The following PDE4D variants were observed in gnomAD, a reference collection of about 807,000 sequenced individuals.
The protein encoded by PDE4D is phosphodiesterase 4D.
In PDE4D, 24 loss-of-function variants were observed where a neutral mutation model predicts 87.4. That is an observed-to-expected ratio of 0.27 (90% CI 0.20 to 0.39). The LOEUF (loss-of-function observed/expected upper bound fraction) is 0.39, where lower values mean the gene tolerates loss of function less well. PDE4D is among the 10% of genes least tolerant of loss of function. PDE4D has a pLI of 1.00. For synonymous variants in PDE4D, 384 were observed against 383.2 expected (o/e 1.00, Z -0.02); for missense variants, 714 against 1,041.0 (o/e 0.69, Z 4.32).
At chr5:59,977,463 G>A (rs892902959) in intron 3 of PDE4D, among the ~76,000 whole-genome samples, 2 of 152,140 alleles carry the variant, frequency 1.3e-5, no homozygotes, top group Non-Finnish European at 2.9e-5. Flanking sequence ...AGCAGAGGGT[G>A]GTTCATGATG....
chr5:59,146,972 C>G (rs997758727), intron 5 of PDE4D, among the ~76,000 whole-genome samples: 1 of 152,150 alleles, frequency 6.6e-6, no homozygotes, highest in Non-Finnish European at 1.5e-5. Flanking sequence ...GGCAAGCGAG[C>G]ATTACCACCT....
chr5:59,181,388 C>T (rs1489939943), intron 4 of PDE4D, among the ~76,000 whole-genome samples: 1 of 151,452 alleles, frequency 6.6e-6, no homozygotes, highest in Non-Finnish European at 1.5e-5. Flanking sequence ...ATCCAGTATT[C>T]CGTCAGTGCT....
intron 3 of PDE4D, among the ~76,000 whole-genome samples, chr5:59,954,126 G>A (rs1758584428): frequency 6.6e-6 from 1 of 152,096 alleles, no homozygotes; most frequent in African/African-American, 2.4e-5. Context: ...GTTTCACCAT[G>A]TTGGCCAGGC....
At chr5:59,619,458 A>C (rs1019530438) in intron 1 of PDE4D, among the ~76,000 whole-genome samples, 1 of 152,248 alleles carries the variant, frequency 6.6e-6, no homozygotes, top group Non-Finnish European at 1.5e-5. Flanking sequence ...TGAATAACTT[A>C]GGTGCCTGGG....
chr5:60,517,252 T>A (rs1422884893), intron 1 of PDE4D, among the ~76,000 whole-genome samples: 1 of 152,000 alleles, frequency 6.6e-6, no homozygotes, highest in Non-Finnish European at 1.5e-5. Flanking sequence ...GAGCTGAGAG[T>A]GGCTCAGTAT....
At chr5:59,367,098 C>T (rs1783187832) in intron 1 of PDE4D, among the ~76,000 whole-genome samples, 1 of 152,270 alleles carries the variant, frequency 6.6e-6, no homozygotes, top group East Asian at 1.9e-4. Context: ...TTCAGACTAT[C>T]GACTCCTCAA....
chr5:59,973,849 A>C (rs1015931279), intron 3 of PDE4D, among the ~76,000 whole-genome samples: 5 of 152,090 alleles, frequency 3.3e-5, no homozygotes, highest in African/African-American at 1.2e-4. Context: ...ACAAACAAAC[A>C]AAAAAATGAC....
intron 3 of PDE4D, among the ~76,000 whole-genome samples, chr5:59,982,239 G>A (rs1209206492): frequency 1.3e-5 from 2 of 152,176 alleles, no homozygotes; most frequent in African/African-American, 2.4e-5. Flanking sequence ...GGATGAGAAA[G>A]TGTTTGTAAC....
At chr5:59,287,319 C>A (rs941103361) in intron 1 of PDE4D, among the ~76,000 whole-genome samples, 1 of 151,794 alleles carries the variant, frequency 6.6e-6, no homozygotes, top group African/African-American at 2.4e-5. Flanking sequence ...CAGGGAGAGA[C>A]TCCTCTGCTT....
chr5:60,383,378 G>C (rs543657061), intron 1 of PDE4D, among the ~76,000 whole-genome samples: 1 of 152,284 alleles, frequency 6.6e-6, no homozygotes, highest in Non-Finnish European at 1.5e-5. Flanking sequence ...CAAAACATTA[G>C]TTGTACTTTC....
intron 1 of PDE4D, among the ~76,000 whole-genome samples, chr5:60,509,479 A>T (rs190377291): frequency 1.3e-5 from 2 of 152,312 alleles, no homozygotes; most frequent in African/African-American, 4.8e-5. Context: ...TTGCAAACAC[A>T]TAATCTGTGA....
intron 5 of PDE4D, among the ~76,000 whole-genome samples, chr5:59,040,531 A>AC (rs34046735): frequency 0.067 from 10,144 of 152,292 alleles, 464 homozygotes; most frequent in Admixed American, 0.13. Context: ...TTTTGAGAAA[A>AC]CGGAAAGACC....
At chr5:60,326,433 A>G (rs749806188) in intron 1 of PDE4D, among the ~76,000 whole-genome samples, 1 of 152,146 alleles carries the variant, frequency 6.6e-6, no homozygotes, top group Non-Finnish European at 1.5e-5. Flanking sequence ...CAGGGATAAC[A>G]CTAGACACTT....
intron 1 of PDE4D, among the ~76,000 whole-genome samples, chr5:59,511,158 A>C (rs1319302518): frequency 6.6e-6 from 1 of 151,982 alleles, no homozygotes; most frequent in Non-Finnish European, 1.5e-5. Context: ...TTAAAAGATA[A>C]GGAAAACTTC....
chr5:59,014,409 G>A (rs1753536747), intron 6 of PDE4D, among the ~76,000 whole-genome samples: 3 of 152,152 alleles, frequency 2.0e-5, no homozygotes, highest in Non-Finnish European at 4.4e-5. Context: ...CATCATCTCA[G>A]CCCAAAATCT....
intron 1 of PDE4D, among the ~76,000 whole-genome samples, chr5:59,250,669 C>A (rs986096849): frequency 2.6e-5 from 4 of 151,850 alleles, no homozygotes; most frequent in Non-Finnish European, 5.9e-5. Context: ...AAATACAGAA[C>A]TAGAAAAAAC....
chr5:59,245,847 G>A (rs1758739928), intron 1 of PDE4D, among the ~76,000 whole-genome samples: 1 of 151,858 alleles, frequency 6.6e-6, no homozygotes, highest in Non-Finnish European at 1.5e-5. Flanking sequence ...ACAATCCCAG[G>A]CACATTGTAA....
chr5:59,763,757 G>A lies in PDE4D; in HGVS notation c.455+129411C>T, dbSNP rs141949688. Among the ~76,000 whole-genome samples the A allele has an allele frequency of 3.3e-3, 506 of 152,256 alleles. 4 individuals carry two copies. The highest frequency in any genetic ancestry group is 0.011 in the African/African-American group (472 of 41,550). ...ATCTGAATCATGTCTATAATCACTA[G>A]AACTACAAGGCATTGCATGTTTAGT... On this transcript the variant is annotated intron_variant, in intron 1 of 14. Coordinates refer to ENST00000340635, the MANE Select transcript of PDE4D (RefSeq NM_001104631.2).
At chr5:59,872,262 T>TC (rs1747917967) in intron 1 of PDE4D, among the ~76,000 whole-genome samples, 1 of 131,750 alleles carries the variant, frequency 7.6e-6, no homozygotes, top group Admixed American at 7.4e-5. Flanking sequence ...ACAGAAGAGT[T>TC]ACACACACAC....
Sources: gnomAD v4.1 joint callset for allele counts (sites outside exome capture counted in the v4.1 genomes callset) on GRCh38, gnomAD v4.1.1 for gene constraint, MANE v1.5 for transcripts, NCBI Gene and HGNC (gene_info 2026-07-23, HGNC 2026-07-21) for gene names.